Variants in SLC16A12 observed in about 807,000 individuals in gnomAD.
SLC16A12 encodes monocarboxylate transporter 12.
A neutral mutation model predicts 42.4 loss-of-function variants in SLC16A12; 17 were observed. The observed-to-expected ratio is 0.40, with a 90% confidence interval of 0.27 to 0.60. The LOEUF (loss-of-function observed/expected upper bound fraction) is 0.60. SLC16A12 is among the 20% of genes least tolerant of loss of function. The pLI, the probability that SLC16A12 is intolerant of heterozygous loss-of-function variation, is 0.42. For synonymous variants in SLC16A12, 224 were observed against 229.4 expected (o/e 0.98, Z 0.21); for missense variants, 544 against 623.0 (o/e 0.87, Z 1.35).
Position 89,478,851 on chromosome 10 carries a change from G to A in SLC16A12, c.-46-16227C>T, listed in dbSNP as rs139184493. On this transcript the variant is annotated intron_variant, in intron 2 of 7. Transcript: ENST00000371790. Reference sequence around the variant, plus strand: ...TTGTTTCCAACTAGAAATGCTAAAAGCTTTGAGTCATTTTGACTCTATCCC... The same window carrying A: ...TTGTTTCCAACTAGAAATGCTAAAAACTTTGAGTCATTTTGACTCTATCCC... Among the ~76,000 whole-genome samples, 22 of 152,262 alleles carry A rather than the reference G, an allele frequency of 1.4e-4. No individual in the cohort carries two copies. The East Asian group carries it at 1.7e-3, about 12-fold the overall frequency.
chr10:89,454,019 G>A (rs1012748589), intron 3 of SLC16A12, among the ~76,000 whole-genome samples: 2 of 150,128 alleles, frequency 1.3e-5, no homozygotes, highest in African/African-American at 2.5e-5. Context: ...TCCCTCCCTC[G>A]CTCCCTCCCT....
chr10:89,539,906 TTTC>T (rs1287893017), upstream of SLC16A12, among the ~76,000 whole-genome samples: 189 of 145,612 alleles, frequency 1.3e-3, 1 homozygote, highest in African/African-American at 4.2e-3. Flanking sequence ...TCTTTCTTTC[TTTC>T]TTTTTTCTTT....
At chr10:89,475,143 C>T (rs1352620346) in intron 2 of SLC16A12, among the ~76,000 whole-genome samples, 1 of 152,188 alleles carries the variant, frequency 6.6e-6, no homozygotes, top group Non-Finnish European at 1.5e-5. Flanking sequence ...TAAATGTCTG[C>T]CTCTACCCCA....
intron 2 of SLC16A12, among the ~76,000 whole-genome samples, chr10:89,552,196 A>C (rs1408394746): frequency 2.0e-5 from 3 of 152,228 alleles, no homozygotes; most frequent in African/African-American, 4.8e-5. Flanking sequence ...GGCCTCCCAA[A>C]GTCCTGGGAT....
At chr10:89,458,496 T>C (rs775888503) in intron 3 of SLC16A12, among the ~76,000 whole-genome samples, 3 of 152,170 alleles carry the variant, frequency 2.0e-5, no homozygotes, top group Non-Finnish European at 4.4e-5. Flanking sequence ...ATTGAAAGAT[T>C]TGGCATAAGC....
rs1589661038 is a variant in SLC16A12 at position 89,440,429 on chromosome 10, C to T, written c.448+679G>A. Among the ~76,000 whole-genome samples, 6 of 152,308 alleles carry T rather than the reference C, an allele frequency of 3.9e-5. No homozygotes were observed. In the South Asian group the frequency reaches 1.2e-3, roughly 32 times the overall value. On this transcript the variant is annotated intron_variant, in intron 5 of 7. Transcript: ENST00000371790. ...TTATAGCCTCACTATGAGGTTACGT[C>T]CTTTATTGACCTTATTCACGCCACA...
At chr10:89,441,614 G>A (rs988754801) in intron 4 of SLC16A12, among the ~76,000 whole-genome samples, 13 of 152,156 alleles carry the variant, frequency 8.5e-5, no homozygotes, top group African/African-American at 3.1e-4. Context: ...TATATCATTA[G>A]CAATAATGGT....
At chr10:89,481,664 T>TGTGACA (rs559651910) in intron 2 of SLC16A12, among the ~76,000 whole-genome samples, 6 of 139,640 alleles carry the variant, frequency 4.3e-5, no homozygotes, top group African/African-American at 1.6e-4. Context: ...TGTGTGTGTG[T>TGTGACA]GAGAGAGAGA....
intron 5 of SLC16A12, among the ~76,000 whole-genome samples, chr10:89,439,486 A>C (rs1161599434): frequency 6.6e-6 from 1 of 152,250 alleles, no homozygotes; most frequent in African/African-American, 2.4e-5. Context: ...GAAAATCTGG[A>C]TAATGCCAAC....
chr10:89,476,396 C>G (rs2133777849), intron 2 of SLC16A12, among the ~76,000 whole-genome samples: 1 of 152,236 alleles, frequency 6.6e-6, no homozygotes, highest in East Asian at 1.9e-4. Flanking sequence ...AGAAATTAAC[C>G]CCTCATGTCA....
chr10:89,500,797 T>A (rs1397849483), intron 2 of SLC16A12, among the ~76,000 whole-genome samples: 1 of 152,080 alleles, frequency 6.6e-6, no homozygotes, highest in Non-Finnish European at 1.5e-5. Flanking sequence ...GCCAGAGAAA[T>A]CAGACAAGAA....
At chr10:89,445,042 C>T (rs562886846) in intron 3 of SLC16A12, among the ~76,000 whole-genome samples, 4 of 152,228 alleles carry the variant, frequency 2.6e-5, no homozygotes, top group Middle Eastern at 3.2e-3. Context: ...AGCCCGGCTG[C>T]GGGAGGGGCA....
chr10:89,478,223 G>C (rs936360333), intron 2 of SLC16A12, among the ~76,000 whole-genome samples: 1 of 152,150 alleles, frequency 6.6e-6, no homozygotes, highest in Non-Finnish European at 1.5e-5. Flanking sequence ...CCCTGTTGAA[G>C]GGAAGCAGTC....
intron 2 of SLC16A12, among the ~76,000 whole-genome samples, chr10:89,480,808 G>A (rs1021545491): frequency 1.3e-5 from 2 of 152,150 alleles, no homozygotes; most frequent in Non-Finnish European, 2.9e-5. Flanking sequence ...GAGTGAGGAA[G>A]ACTGGCAAAA....
chr10:89,528,159 C>T (rs1843485860), intron 2 of SLC16A12, among the ~76,000 whole-genome samples: 1 of 152,068 alleles, frequency 6.6e-6, no homozygotes, highest in Admixed American at 6.6e-5. Flanking sequence ...CCTGATAAGG[C>T]CACTGCACTC....
chr10:89,554,627 G>A (rs1843798157), intron 2 of SLC16A12, among the ~76,000 whole-genome samples: 1 of 152,118 alleles, frequency 6.6e-6, no homozygotes, highest in African/African-American at 2.4e-5. Context: ...TGCTCTTTCT[G>A]TTTGTTGACT....
At chr10:89,508,003 G>A (rs534385754) in intron 2 of SLC16A12, among the ~76,000 whole-genome samples, 5 of 152,232 alleles carry the variant, frequency 3.3e-5, no homozygotes, top group African/African-American at 1.2e-4. Context: ...TAATGGTAAC[G>A]GGATCAATCG....
chr10:89,535,749 C>A (rs1319804982), upstream of SLC16A12, among the ~76,000 whole-genome samples: 2 of 152,054 alleles, frequency 1.3e-5, no homozygotes, highest in Non-Finnish European at 2.9e-5. Flanking sequence ...ACCCGCCGAG[C>A]CGCGTCCCTG....
Position 89,432,906 on chromosome 10 carries a change from G to T in SLC16A12, c.*158C>A. ...GCTAGTCCAGCTTTCCTTATTATGTGCTGTTTTCCCTTATAAATATTAATA... is the reference window on the plus strand; with the variant it reads ...GCTAGTCCAGCTTTCCTTATTATGTTCTGTTTTCCCTTATAAATATTAATA... On this transcript the variant is annotated 3_prime_UTR_variant, in exon 8 of 8. Transcript: ENST00000371790. 9.7e-7 allele frequency: 1 copy of T among 1,030,294 alleles called. No homozygotes were observed. Among genetic ancestry groups the T allele is most frequent in the Non-Finnish European group, 1.4e-6 (1 of 732,300 alleles). The allele number at this position is 1,030,294 out of a possible 1,614,324, so 63.8% of individuals were successfully genotyped here. A position where few individuals can be genotyped will look rare whatever the true frequency, so the allele number is the denominator to read the frequency against.
Sources: allele counts gnomAD v4.1 joint callset (sites outside exome capture counted in the v4.1 genomes callset), GRCh38; gene constraint gnomAD v4.1.1; transcripts MANE v1.5; gene names NCBI Gene and HGNC (gene_info 2026-07-23, HGNC 2026-07-21).